Variants in YAP1 observed in about 807,000 individuals in gnomAD.
YAP1 encodes transcriptional coactivator YAP1.
In YAP1, 5 loss-of-function variants were observed where a neutral mutation model predicts 56.9. That is an observed-to-expected ratio of 0.09 (90% CI 0.05 to 0.18). The LOEUF (loss-of-function observed/expected upper bound fraction) is 0.18, where lower values mean the gene tolerates loss of function less well. Among genes scored for constraint, YAP1 ranks in the 10% least tolerant of loss-of-function variants. The probability of loss-of-function intolerance (pLI) is 1.00; values close to 1 mark genes in which losing one functional copy is unlikely to be tolerated. For synonymous variants in YAP1, 265 were observed against 248.1 expected (o/e 1.07, Z -0.64); for missense variants, 539 against 651.8 (o/e 0.83, Z 1.88).
chr11:102,210,111 A>T (rs1949321975), intron 6 of YAP1, among the ~76,000 whole-genome samples: 1 of 152,212 alleles, frequency 6.6e-6, no homozygotes, highest in African/African-American at 2.4e-5. Context: ...GCATTCTCTG[A>T]TGAACCCCAG....
intron 2 of YAP1, among the ~76,000 whole-genome samples, chr11:102,145,208 T>G (rs557972903): frequency 6.6e-6 from 1 of 152,334 alleles, no homozygotes; most frequent in South Asian, 2.1e-4. Flanking sequence ...AAACCCTTCC[T>G]TTTCCTAAGA....
chr11:102,223,647 C>G lies in YAP1; in HGVS notation c.1058C>G (p.Pro353Arg). ...CQELALRSQL[P>R]TLEQDGGTQN... Reference sequence around the variant, plus strand: ...GAGTTAGCCCTGCGTAGCCAGTTACCAACACTGGAGCAGGATGGTGGGACT... The same window carrying G: ...GAGTTAGCCCTGCGTAGCCAGTTACGAACACTGGAGCAGGATGGTGGGACT... The change falls in exon 7 of 9, where the codon CCA (proline) becomes CGA (arginine). Residue 353 changes from proline to arginine, a missense_variant. Pro to Arg is a moderately radical substitution (Grantham distance 103). Transcript: ENST00000282441. 6.2e-7 allele frequency: 1 copy of G among 1,613,782 alleles called. No homozygotes were observed. Among genetic ancestry groups the G allele is most frequent in the Non-Finnish European group, 8.5e-7 (1 of 1,179,858 alleles).
At chr11:102,203,016 C>T (rs887950234) in intron 4 of YAP1, among the ~76,000 whole-genome samples, 1 of 152,184 alleles carries the variant, frequency 6.6e-6, no homozygotes, top group Admixed American at 6.5e-5. Context: ...AGGCAAATGA[C>T]ACAGTTTCTT....
At chr11:102,118,772 C>T (rs988089145) in intron 2 of YAP1, among the ~76,000 whole-genome samples, 1 of 150,470 alleles carries the variant, frequency 6.6e-6, no homozygotes, top group Admixed American at 6.6e-5. Context: ...AGACTATGAA[C>T]ATATACAGTG....
intron 2 of YAP1, among the ~76,000 whole-genome samples, chr11:102,124,426 G>A (rs751433469): frequency 7.2e-5 from 11 of 152,090 alleles, no homozygotes; most frequent in African/African-American, 2.2e-4. Flanking sequence ...AAAGAAACTC[G>A]GTCTTCAATA....
intron 2 of YAP1, among the ~76,000 whole-genome samples, chr11:102,122,284 G>A (rs1383772661): frequency 6.6e-6 from 1 of 151,886 alleles, no homozygotes; most frequent in Non-Finnish European, 1.5e-5. Context: ...AATGGGCGTG[G>A]TAGCCCATGC....
intron 2 of YAP1, among the ~76,000 whole-genome samples, chr11:102,152,929 T>A (rs1945747227): frequency 6.6e-6 from 1 of 152,174 alleles, no homozygotes. Flanking sequence ...TAGGGAAACC[T>A]TCCCAAGAGC....
chr11:102,193,952 G>T (rs1257302763), intron 4 of YAP1, among the ~76,000 whole-genome samples: 3 of 151,668 alleles, frequency 2.0e-5, no homozygotes, highest in Admixed American at 2.0e-4. Flanking sequence ...GACTACAGGT[G>T]CCTGCCACCG....
chr11:102,166,997 T>C (rs1007369622), intron 3 of YAP1, among the ~76,000 whole-genome samples: 18 of 152,242 alleles, frequency 1.2e-4, no homozygotes, highest in African/African-American at 4.3e-4. Context: ...CTATTTTGTT[T>C]TCTAATTGGC....
chr11:102,114,540 T>C, intron 2 of YAP1, 146 bp downstream of exon 2: 1 of 1,052,444 alleles, frequency 9.5e-7, no homozygotes, highest in Non-Finnish European at 1.3e-6. Flanking sequence ...ATCTTCCATA[T>C]ATATGTTTCA....
chr11:102,122,673 CACCTGAGGTCAGG>C (rs934389447), intron 2 of YAP1, among the ~76,000 whole-genome samples: 17 of 151,590 alleles, frequency 1.1e-4, no homozygotes, highest in Non-Finnish European at 1.8e-4. Context: ...GCGGGCGGAT[CACCTGAGGTCAGG>C]AGTTTGAGAC....
rs1013576542 is a variant in YAP1, at chr11:102,205,992, A to G, written c.902A>G (p.Asn301Ser). The G allele has an allele frequency of 3.7e-6, 6 of 1,613,844 alleles. No homozygotes were observed. The highest frequency in any genetic ancestry group is 2.2e-5 in the East Asian group (1 of 44,894). Reference sequence around the variant, plus strand: ...GGCGTCATGGGTGGCAGCAACTCCAACCAGCAGCAACAGATGCGACTGCAG... The same window carrying G: ...GGCGTCATGGGTGGCAGCAACTCCAGCCAGCAGCAACAGATGCGACTGCAG... ...QGGVMGGSNS[N>S]QQQQMRLQQL... is the part of the protein sequence containing the mutation. The change falls in exon 5 of 9, where the codon AAC (asparagine) becomes AGC (serine). Residue 301 changes from asparagine to serine, a missense_variant. Transcript: ENST00000282441.
intron 6 of YAP1, among the ~76,000 whole-genome samples, chr11:102,223,108 C>T (rs562159592): frequency 6.6e-6 from 1 of 151,648 alleles, no homozygotes; most frequent in Non-Finnish European, 1.5e-5. Context: ...ATTAGCTGGG[C>T]GTGGTGGTGC....
chr11:102,193,834 T>C, intron 4 of YAP1, among the ~76,000 whole-genome samples: 1 of 151,690 alleles, frequency 6.6e-6, no homozygotes, highest in Non-Finnish European at 1.5e-5. Flanking sequence ...TTTTTTTTGT[T>C]TGATTTTTGT....
At chr11:102,210,821 C>T (rs528350917) in intron 6 of YAP1, among the ~76,000 whole-genome samples, 5 of 151,686 alleles carry the variant, frequency 3.3e-5, no homozygotes, top group Admixed American at 6.6e-5. Context: ...GGTGTGATCT[C>T]GGCTCACTGC....
Position 102,110,905 on chromosome 11 carries a change from G to A in YAP1, c.57G>A (p.Pro19=), listed in dbSNP as rs937455182. ...PQPAPQGQGQ[P]PSQPPQGQGP... is the part of the protein sequence containing the mutation. ...CGGCCCCCCAGGGCCAAGGGCAGCC[G>A]CCTTCGCAGCCCCCGCAGGGGCAGG... Residue 19 remains proline (P), a synonymous_variant, in exon 1 of 9, where the codon CCG becomes CCA. Transcript: ENST00000282441. The A allele has an allele frequency of 4.2e-6, 6 of 1,433,746 alleles. No individual in the cohort carries two copies. The highest frequency in any genetic ancestry group is 5.5e-6 in the Non-Finnish European group (6 of 1,093,846). The allele number at this position is 1,433,746 out of a possible 1,614,324, so 88.8% of individuals were successfully genotyped here. A position where few individuals can be genotyped will look rare whatever the true frequency, so the allele number is the denominator to read the frequency against.
chr11:102,194,776 CTAAATTA>C (rs1217487834), intron 4 of YAP1, among the ~76,000 whole-genome samples: 1 of 151,954 alleles, frequency 6.6e-6, no homozygotes, highest in African/African-American at 2.4e-5. Context: ...TGCATCACTT[CTAAATTA>C]TAAATTATCC....
At chr11:102,127,944 AACCCC>A (rs1944134909) in intron 2 of YAP1, among the ~76,000 whole-genome samples, 1 of 152,194 alleles carries the variant, frequency 6.6e-6, no homozygotes, top group East Asian at 1.9e-4. Flanking sequence ...TGGGCCCTGT[AACCCC>A]TTTGTTTTGG....
chr11:102,180,190 G>T (rs1321171694), intron 3 of YAP1, among the ~76,000 whole-genome samples: 1 of 151,656 alleles, frequency 6.6e-6, no homozygotes, highest in Non-Finnish European at 1.5e-5. Context: ...TGTAGTTTTA[G>T]TAGAGATGGG....
Sources: allele counts gnomAD v4.1 joint callset (sites outside exome capture counted in the v4.1 genomes callset), GRCh38; gene constraint gnomAD v4.1.1; transcripts MANE v1.5; gene names NCBI Gene and HGNC (gene_info 2026-07-23, HGNC 2026-07-21).